Variants in MACF1 observed in about 807,000 individuals in gnomAD.
MACF1 encodes microtubule-actin cross-linking factor 1.
In MACF1, 193 loss-of-function variants were observed where a neutral mutation model predicts 854.8. The ratio of observed to expected loss-of-function variants is 0.23; its 90% confidence interval spans 0.20 to 0.25. MACF1 has a LOEUF of 0.25. Ranked by LOEUF, MACF1 falls within the 10% of genes least tolerant of loss-of-function variation. The probability of loss-of-function intolerance (pLI) is 1.00; values close to 1 mark genes in which losing one functional copy is unlikely to be tolerated. For missense variants in MACF1, 7,722 were observed against 8,929.1 expected, an observed-to-expected ratio of 0.86 and a Z score of 5.45; for synonymous variants, 3,185 against 3,226.7, an observed-to-expected ratio of 0.99 and a Z score of 0.44.
intron 2 of MACF1, among the ~76,000 whole-genome samples, chr1:39,139,600 C>A (rs1643286159): frequency 6.6e-6 from 1 of 152,066 alleles, no homozygotes; most frequent in Non-Finnish European, 1.5e-5. Flanking sequence ...TGCTTTCATG[C>A]CTTTGCTCAT....
At chr1:39,381,875 A>T in intron 55 of MACF1, 78 bp from the exon 56 acceptor site, 1 of 974,248 alleles carries the variant, frequency 1.0e-6, no homozygotes, top group Non-Finnish European at 1.6e-6. Flanking sequence ...TTCCTGCAGT[A>T]TATTAGGAAC....
chr1:39,119,795 A>G (rs1415385654), intron 2 of MACF1, among the ~76,000 whole-genome samples: 1 of 151,664 alleles, frequency 6.6e-6, no homozygotes, highest in African/African-American at 2.4e-5. Context: ...TATACTAAAT[A>G]TATATTCTGT....
At chr1:39,352,358 T>C (rs1056217059) in intron 43 of MACF1, among the ~76,000 whole-genome samples, 1 of 152,178 alleles carries the variant, frequency 6.6e-6, no homozygotes, top group African/African-American at 2.4e-5. Flanking sequence ...GAAAGAAGTT[T>C]GTCTTTCCTT....
intron 23 of MACF1, chr1:39,304,637 C>CG: frequency 5.7e-6 from 3 of 524,780 alleles, no homozygotes; most frequent in Non-Finnish European, 1.0e-5. Flanking sequence ...TATTTCAGCT[C>CG]ACTGCAAGCT....
In MACF1 at chr1:39,438,002, G is replaced by T. The variant is rs539732418; in HGVS notation, c.18214G>T (p.Ala6072Ser). 1 of 1,613,500 alleles carries T rather than the reference G, an allele frequency of 6.2e-7. No individual in the cohort carries two copies. Among genetic ancestry groups the T allele is most frequent in the African/African-American group, 1.3e-5 (1 of 75,006 alleles). ...RSQGADKDLA[A>S]KEIQDKLDQM... Reference sequence around the variant, plus strand: ...TCAGGGAGCAGACAAGGATCTGGCTGCAAAAGGTGCTTGATGATTGTCATT... The same window carrying T: ...TCAGGGAGCAGACAAGGATCTGGCTTCAAAAGGTGCTTGATGATTGTCATT... The change falls in exon 71 of 101, where the codon GCA (alanine) becomes TCA (serine). Residue 6072 changes from alanine (A) to serine (S), a missense_variant. Physicochemically the swap from Ala to Ser is moderately conservative, Grantham distance 99. Around this residue, in one of 15 missense-constraint regions of MACF1, gnomAD observed 2,807 missense variants for 3,235.8 expected, o/e 0.87. Coordinates refer to ENST00000564288, the MANE Select transcript of MACF1 (RefSeq NM_001394062.1).
At chr1:39,286,610 G>C (rs952566380) in intron 14 of MACF1, among the ~76,000 whole-genome samples, 5 of 151,706 alleles carry the variant, frequency 3.3e-5, no homozygotes, top group African/African-American at 7.3e-5. Context: ...GGGAGTACAG[G>C]AGTGCACCAC....
At chr1:39,432,417 T>G in intron 66 of MACF1, 118 bp from the exon 67 acceptor site, 1 of 805,068 alleles carries the variant, frequency 1.2e-6, no homozygotes, top group Non-Finnish European at 1.9e-6. Flanking sequence ...TTGACTCTAC[T>G]TTGTGAGATA....
chr1:39,143,367 G>A lies in MACF1; in HGVS notation c.220+58929G>A, dbSNP rs1450520000. ...TCTGGTGGCAATGTCTGGTTCATTTGTAACATCTTGGAGAGGATTGGAATC... is the reference window on the plus strand; with the variant it reads ...TCTGGTGGCAATGTCTGGTTCATTTATAACATCTTGGAGAGGATTGGAATC... On this transcript the variant is annotated intron_variant, in intron 2 of 93. Coordinates refer to the MACF1 transcript ENST00000361689. 2.0e-5 allele frequency among the ~76,000 whole-genome samples: 3 copies of A among 152,154 alleles called. No individual in the cohort carries two copies. The East Asian group carries it at 5.8e-4, about 29-fold the overall frequency.
chr1:39,445,090 C>G (rs1193987649), intron 80 of MACF1, among the ~76,000 whole-genome samples: 1 of 152,132 alleles, frequency 6.6e-6, no homozygotes, highest in Admixed American at 6.5e-5. Context: ...CTATATTAAT[C>G]ACCAATTTGT....
rs1642188095 is a variant in MACF1, at chr1:39,105,050, G to T, written c.220+20612G>T. 1.3e-5 allele frequency among the ~76,000 whole-genome samples: 2 copies of T among 152,178 alleles called. No homozygotes were observed. The highest frequency in any genetic ancestry group is 4.8e-5 in the African/African-American group (2 of 41,456). On this transcript the variant is annotated intron_variant, in intron 2 of 93. Transcript: ENST00000361689. This position sits in a 1 kb window ranked among gnomAD's most constrained non-coding sequence, Gnocchi z 5.9. ...GGGCTCCCGCTCGCCCTGTGGAGCC[G>T]GCCCGGGTCTCCCTGCCGTTCGGCC...
At chr1:39,288,382 C>G (rs1645691893) in intron 15 of MACF1, among the ~76,000 whole-genome samples, 1 of 151,906 alleles carries the variant, frequency 6.6e-6, no homozygotes, top group South Asian at 2.1e-4. Context: ...CCTGTAGTCC[C>G]AGCTACTTGG....
At chr1:39,180,508 G>A (rs570828075) in intron 2 of MACF1, among the ~76,000 whole-genome samples, 3 of 152,076 alleles carry the variant, frequency 2.0e-5, no homozygotes, top group South Asian at 2.1e-4. Flanking sequence ...TCCAGCTACC[G>A]GGGAGGCTGA....
At chr1:39,427,641 A>C in intron 62 of MACF1, 27 bp downstream of exon 62, 1 of 1,595,956 alleles carries the variant, frequency 6.3e-7, no homozygotes, top group Non-Finnish European at 8.5e-7. Context: ...GTAAATGAAA[A>C]TAGAAAACTG....
At chr1:39,430,106 T>C (rs1643848302) in intron 65 of MACF1, 38 bp downstream of exon 65, 1 of 1,580,624 alleles carries the variant, frequency 6.3e-7, no homozygotes, top group Non-Finnish European at 8.6e-7. Context: ...AAAAAAGGCT[T>C]CCTCTTTGTC....
chr1:39,230,979 T>C (rs1644771063), intron 1 of MACF1, among the ~76,000 whole-genome samples: 1 of 152,170 alleles, frequency 6.6e-6, no homozygotes, highest in Non-Finnish European at 1.5e-5. Context: ...CACGTGGTGA[T>C]TCTGTCTGAT....
At chr1:39,410,680 C>T (rs1159665155) in intron 58 of MACF1, 2 of 1,613,778 alleles carry the variant, frequency 1.2e-6, no homozygotes, top group Non-Finnish European at 1.7e-6. Context: ...CTTCATGCCA[C>T]CCAACTTCCC....
At chr1:39,208,166 G>GTTT (rs71057199) in intron 1 of MACF1, among the ~76,000 whole-genome samples, 1 of 141,560 alleles carries the variant, frequency 7.1e-6, no homozygotes, top group East Asian at 2.0e-4. Context: ...ATATAAAAGG[G>GTTT]TTTTTTTTTT....
intron 99 of MACF1, among the ~76,000 whole-genome samples, chr1:39,482,121 G>A (rs909583099): frequency 3.9e-5 from 6 of 152,070 alleles, no homozygotes; most frequent in African/African-American, 1.4e-4. Flanking sequence ...CTGTCTTAAG[G>A]TTTTATTTTC....
At chr1:39,143,991 T>C (rs1643406376) in intron 2 of MACF1, among the ~76,000 whole-genome samples, 1 of 151,836 alleles carries the variant, frequency 6.6e-6, no homozygotes. Context: ...GCTTTCACTG[T>C]GTTAGCCAGG....
Sources: allele counts gnomAD v4.1 joint callset (sites outside exome capture counted in the v4.1 genomes callset), GRCh38; gene constraint gnomAD v4.1.1; regional missense constraint gnomAD v4.1.1; non-coding constraint Gnocchi (gnomAD v3.1); transcripts MANE v1.5; gene names NCBI Gene and HGNC (gene_info 2026-07-23, HGNC 2026-07-21).